PLXDC2: variants seen among roughly 807,000 people sequenced by gnomAD.
PLXDC2 encodes the protein plexin domain-containing protein 2.
Under a neutral mutation model 68.9 loss-of-function variants are expected in PLXDC2, and 40 were observed. The ratio of observed to expected loss-of-function variants is 0.58; its 90% CI spans 0.45 to 0.76. PLXDC2 has a LOEUF of 0.76. PLXDC2 is among the 30% of genes least tolerant of loss of function. The probability of loss-of-function intolerance (pLI) is 0.00; values close to 1 mark genes in which losing one functional copy is unlikely to be tolerated. For synonymous variants in PLXDC2, 243 were observed against 234.2 expected, an observed-to-expected ratio of 1.04 and a Z score of -0.34; for missense variants, 644 against 661.9, an observed-to-expected ratio of 0.97 and a Z score of 0.30.
chr10:19,817,197 T>A lies in PLXDC2; in HGVS notation c.112+6T>A, dbSNP rs559552900. On this transcript the variant is annotated splice_donor_region_variant and intron_variant, in intron 1 of 13. Coordinates refer to ENST00000377252, the MANE Select transcript of PLXDC2 (RefSeq NM_032812.9). ...ACCCGGAGACCAAATCCTTGGTAAG[T>A]AAGATGCACTTTAGCTTGCTGATTT... 2,810 of 1,557,708 alleles carry A rather than the reference T, an allele frequency of 1.8e-3. 38 individuals carry two copies. The African/African-American group carries it at 0.035, about 19-fold the overall frequency.
In PLXDC2 at chr10:20,191,846, G is replaced by T. The variant is rs192761486; in HGVS notation, c.1061+14437G>T. 3.7e-4 allele frequency among the ~76,000 whole-genome samples: 56 copies of T among 151,996 alleles called. No individual in the cohort carries two copies. The East Asian group carries it at 9.3e-3, about 25-fold the overall frequency. On this transcript the variant is annotated intron_variant, in intron 9 of 13. Coordinates refer to ENST00000377252, the MANE Select transcript of PLXDC2 (RefSeq NM_032812.9). ...AAGTAAATAAATAAAAAATCACAGGGGCTTTGTAAGAAAGGACGGGAGGGC... is the reference window on the plus strand; with the variant it reads ...AAGTAAATAAATAAAAAATCACAGGTGCTTTGTAAGAAAGGACGGGAGGGC...
chr10:20,284,697 C>G lies in PLXDC2; in HGVS notation c.*4878C>G, dbSNP rs1836129338. 1 of 152,118 alleles carries G rather than the reference C, an allele frequency of 6.6e-6. No individual in the cohort carries two copies. Among genetic ancestry groups the G allele is most frequent in the African/African-American group, 2.4e-5 (1 of 41,422 alleles). 9.4% of individuals were successfully genotyped at this position (152,118 alleles called of 1,614,324 possible). ...TAGTAATAGTCCCAGTGTCAGTAAACTGGGTCTTGAACTTAAATGTTTGTT... is the reference window on the plus strand; with the variant it reads ...TAGTAATAGTCCCAGTGTCAGTAAAGTGGGTCTTGAACTTAAATGTTTGTT... On this transcript the variant is annotated 3_prime_UTR_variant, in exon 14 of 14. Coordinates refer to ENST00000377252, the MANE Select transcript of PLXDC2 (RefSeq NM_032812.9).
chr10:19,833,994 T>G (rs1333725791), intron 1 of PLXDC2, among the ~76,000 whole-genome samples: 3 of 151,820 alleles, frequency 2.0e-5, no homozygotes, highest in African/African-American at 7.3e-5. Context: ...TTTAGTGTTT[T>G]GGTTGAGTCT....
chr10:19,887,869 A>G (rs568283439), intron 1 of PLXDC2, among the ~76,000 whole-genome samples: 10 of 152,364 alleles, frequency 6.6e-5, no homozygotes, highest in Non-Finnish European at 1.2e-4. Flanking sequence ...AATTACATAG[A>G]CAACTGTAGC....
chr10:20,051,190 T>C (rs763781406), intron 3 of PLXDC2, among the ~76,000 whole-genome samples: 3 of 151,534 alleles, frequency 2.0e-5, no homozygotes, highest in Non-Finnish European at 2.9e-5. Context: ...AGATGAGAAG[T>C]TATGAACACA....
intron 1 of PLXDC2, among the ~76,000 whole-genome samples, chr10:19,959,173 C>T (rs1050024791): frequency 2.0e-5 from 3 of 152,130 alleles, no homozygotes; most frequent in Non-Finnish European, 2.9e-5. Context: ...GATTATCATC[C>T]CTTCCATAAA....
chr10:20,254,095 A>G (rs1835712872), intron 13 of PLXDC2, among the ~76,000 whole-genome samples: 1 of 152,178 alleles, frequency 6.6e-6, no homozygotes, highest in Non-Finnish European at 1.5e-5. Flanking sequence ...CCGGCCCTAT[A>G]GCCTGAGAAG....
intron 9 of PLXDC2, among the ~76,000 whole-genome samples, chr10:20,199,265 T>A (rs10508617): frequency 0.48 from 72,092 of 151,564 alleles, 17,336 homozygotes; most frequent in Middle Eastern, 0.56. Context: ...GAGACAGAGG[T>A]TACTTACTAC....
chr10:19,950,077 C>T (rs1263416978), intron 1 of PLXDC2, among the ~76,000 whole-genome samples: 1 of 152,106 alleles, frequency 6.6e-6, no homozygotes, highest in African/African-American at 2.4e-5. Flanking sequence ...TGGGAAAAAG[C>T]TGGAAGCATT....
At chr10:19,999,774 G>A (rs1013056570) in intron 1 of PLXDC2, among the ~76,000 whole-genome samples, 1 of 152,122 alleles carries the variant, frequency 6.6e-6, no homozygotes, top group Non-Finnish European at 1.5e-5. Context: ...AATGAAGCAG[G>A]ATATATAAAT....
intron 3 of PLXDC2, among the ~76,000 whole-genome samples, chr10:20,063,956 T>C (rs1461351449): frequency 1.3e-5 from 2 of 152,228 alleles, no homozygotes. Flanking sequence ...TTTTGAATAG[T>C]TAACTGTTTT....
At chr10:19,957,055 C>T (rs937228235) in intron 1 of PLXDC2, among the ~76,000 whole-genome samples, 3 of 152,086 alleles carry the variant, frequency 2.0e-5, no homozygotes, top group Non-Finnish European at 4.4e-5. Flanking sequence ...TAGGGCAACT[C>T]AATTTATGAA....
At chr10:19,921,215 C>G (rs1311171044) in intron 1 of PLXDC2, among the ~76,000 whole-genome samples, 1 of 151,540 alleles carries the variant, frequency 6.6e-6, no homozygotes, top group Non-Finnish European at 1.5e-5. Context: ...ATTTTAAAAG[C>G]AGGACTTTGG....
At chr10:19,914,056 G>A (rs979793442) in intron 1 of PLXDC2, among the ~76,000 whole-genome samples, 7 of 150,386 alleles carry the variant, frequency 4.7e-5, no homozygotes, top group Non-Finnish European at 8.9e-5. Flanking sequence ...GGCAGAGGGA[G>A]AGCAGGAGGG....
chr10:19,848,215 C>T (rs1451150760), intron 1 of PLXDC2, among the ~76,000 whole-genome samples: 2 of 152,050 alleles, frequency 1.3e-5, no homozygotes, highest in Non-Finnish European at 2.9e-5. Flanking sequence ...AGAAGATGGC[C>T]GCTATGAAAA....
At chr10:19,882,992 T>C (rs1837759193) in intron 1 of PLXDC2, among the ~76,000 whole-genome samples, 1 of 150,396 alleles carries the variant, frequency 6.6e-6, no homozygotes, top group South Asian at 2.1e-4. Flanking sequence ...AGTCTCACTT[T>C]GTCGCCCAGG....
At chr10:20,037,063 G>A (rs1193588375) in intron 2 of PLXDC2, among the ~76,000 whole-genome samples, 1 of 152,154 alleles carries the variant, frequency 6.6e-6, no homozygotes, top group African/African-American at 2.4e-5. Context: ...GATCTTAGAA[G>A]CTTAGTTAAA....
intron 7 of PLXDC2, among the ~76,000 whole-genome samples, chr10:20,168,853 C>G (rs1410199865): frequency 6.6e-6 from 1 of 152,102 alleles, no homozygotes; most frequent in Non-Finnish European, 1.5e-5. Flanking sequence ...AAATCTACTA[C>G]AGAGAAATAG....
intron 4 of PLXDC2, among the ~76,000 whole-genome samples, chr10:20,111,311 G>A (rs1833557322): frequency 6.6e-6 from 1 of 152,042 alleles, no homozygotes; most frequent in Non-Finnish European, 1.5e-5. Context: ...CATGCCATTT[G>A]TTAATGATTC....
Sources: gnomAD v4.1 joint callset for allele counts (sites outside exome capture counted in the v4.1 genomes callset) on GRCh38, gnomAD v4.1.1 for gene constraint, MANE v1.5 for transcripts, NCBI Gene and HGNC (gene_info 2026-07-23, HGNC 2026-07-21) for gene names.